ITGB1: variants seen among roughly 807,000 people sequenced by gnomAD.
ITGB1 encodes integrin subunit beta 1, also known as integrin beta-1.
ITGB1 carries 24 observed loss-of-function variants against 86.5 expected under a neutral mutation model. The observed-to-expected ratio is 0.28, with a 90% confidence interval of 0.20 to 0.39. The LOEUF is 0.39. Ranked by LOEUF, ITGB1 falls within the 10% of genes least tolerant of loss-of-function variation. The pLI is 1.00. For missense variants in ITGB1, 556 were observed against 946.9 expected (o/e 0.59, Z 5.42); for synonymous variants, 323 against 316.8 (o/e 1.02, Z -0.21).
intron 11 of ITGB1, among the ~76,000 whole-genome samples, chr10:32,913,896 A>G (rs968986155): frequency 6.6e-6 from 1 of 152,206 alleles, no homozygotes; most frequent in Non-Finnish European, 1.5e-5. Context: ...GAAGGAAAAA[A>G]TGTTAAGGGC....
At chr10:32,935,685 C>T (rs927375655) in intron 1 of ITGB1, 127 bp from the exon 2 acceptor site, 9 of 671,520 alleles carry the variant, frequency 1.3e-5, no homozygotes, top group Non-Finnish European at 2.3e-5. Context: ...AACCATTTCA[C>T]TCCAGCCCCT....
intron 1 of ITGB1, among the ~76,000 whole-genome samples, chr10:32,947,016 G>GT (rs2095032883): frequency 6.6e-6 from 1 of 151,888 alleles, no homozygotes; most frequent in Non-Finnish European, 1.5e-5. Context: ...GCTAATTTTT[G>GT]TATTTTAGTA....
intron 7 of ITGB1, 143 bp downstream of exon 7, chr10:32,923,442 C>T: frequency 1.8e-6 from 1 of 566,066 alleles, no homozygotes; most frequent in South Asian, 2.9e-5. Flanking sequence ...AGCTTTCCTG[C>T]ACTTTCAATC....
chr10:32,927,743 G>A (rs748964006), intron 5 of ITGB1, among the ~76,000 whole-genome samples: 9 of 151,244 alleles, frequency 6.0e-5, no homozygotes, highest in Non-Finnish European at 8.8e-5. Context: ...GCAGTGAGCC[G>A]AGATCACACC....
chr10:32,907,998 T>G (rs1327884285), intron 15 of ITGB1, among the ~76,000 whole-genome samples: 2 of 152,158 alleles, frequency 1.3e-5, no homozygotes, highest in South Asian at 2.1e-4. Flanking sequence ...TGAAGGTTTT[T>G]TTTGTTTGTT....
At chr10:32,913,165 C>T (rs1321335296) in intron 11 of ITGB1, among the ~76,000 whole-genome samples, 3 of 152,180 alleles carry the variant, frequency 2.0e-5, no homozygotes, top group African/African-American at 7.2e-5. Flanking sequence ...ATCTGTACAT[C>T]ACCATCATGG....
intron 1 of ITGB1, chr10:32,945,015 G>A (rs2095027885): frequency 2.6e-5 from 18 of 682,052 alleles, no homozygotes; most frequent in Middle Eastern, 9.2e-4. Context: ...GGAGAAATGT[G>A]TGTAACTAGT....
chr10:32,958,154 G>A lies in ITGB1; in HGVS notation c.-10C>T, dbSNP rs1171811538. 6.6e-6 allele frequency: 1 copy of A among 150,848 alleles called. No homozygotes were observed. The highest frequency in any genetic ancestry group is 1.5e-5 in the Non-Finnish European group (1 of 67,624). 9.3% of individuals were successfully genotyped at this position (150,848 alleles called of 1,614,324 possible). A position where few individuals can be genotyped will look rare whatever the true frequency, so the allele number is the denominator to read the frequency against. On this transcript the variant is annotated 5_prime_UTR_variant, in exon 1 of 16. Coordinates refer to ENST00000302278, the MANE Select transcript of ITGB1 (RefSeq NM_002211.4). Reference sequence around the variant, plus strand: ...GCCCGCCGGCCCCTACCTTTTCCGCGCGGCGTCCGGGGCCCGGCGCGGTGG... The same window carrying A: ...GCCCGCCGGCCCCTACCTTTTCCGCACGGCGTCCGGGGCCCGGCGCGGTGG...
intron 1 of ITGB1, among the ~76,000 whole-genome samples, chr10:32,957,202 G>A (rs1300989556): frequency 6.6e-6 from 1 of 152,186 alleles, no homozygotes; most frequent in Admixed American, 6.5e-5. Flanking sequence ...ATGAGGAAAC[G>A]GAAGCTTAGA....
chr10:32,940,446 G>A (rs936078447), intron 1 of ITGB1, among the ~76,000 whole-genome samples: 9 of 152,096 alleles, frequency 5.9e-5, no homozygotes, highest in East Asian at 1.9e-4. Context: ...GATGCTATGC[G>A]TTTATAAGAC....
At chr10:32,929,195 C>T (rs1424454276) in intron 4 of ITGB1, among the ~76,000 whole-genome samples, 4 of 125,934 alleles carry the variant, frequency 3.2e-5, no homozygotes, top group African/African-American at 1.0e-4. Flanking sequence ...TTACTTGGTA[C>T]AGAAGAGTTA....
chr10:32,943,794 A>G (rs1490337559), intron 1 of ITGB1, among the ~76,000 whole-genome samples: 3 of 152,220 alleles, frequency 2.0e-5, no homozygotes, highest in Non-Finnish European at 4.4e-5. Flanking sequence ...AGAGAGAGAC[A>G]CTTTGAAGAC....
At chr10:32,944,596 G>T in intron 1 of ITGB1, 1 of 549,040 alleles carries the variant, frequency 1.8e-6, no homozygotes, top group East Asian at 4.4e-5. Flanking sequence ...ATGATGTCAT[G>T]ACTCAGCTGG....
rs2094966650 is a variant in ITGB1, at chr10:32,926,851, AG to A, written c.548-743del. On this transcript the variant is annotated intron_variant, in intron 5 of 15. Transcript: ENST00000302278. The stretch of plus-strand genomic sequence containing the variant: ...AAGGTATCATCTATGAACCCAGAAG[AG>A]GGACCTCACCAGATGCTCAATCTGC... Among the ~76,000 whole-genome samples the A allele has an allele frequency of 2.0e-5, 3 of 152,198 alleles. No homozygotes were observed. In the South Asian group the frequency reaches 6.2e-4, roughly 32 times the overall value.
At chr10:32,937,818 T>C (rs141995304) in intron 1 of ITGB1, among the ~76,000 whole-genome samples, 1 of 152,352 alleles carries the variant, frequency 6.6e-6, no homozygotes, top group African/African-American at 2.4e-5. Context: ...AACTGTGCAA[T>C]TATTTTTCTT....
chr10:32,937,519 G>A lies in ITGB1; in HGVS notation c.1-1961C>T, dbSNP rs1372206514. Among the ~76,000 whole-genome samples, 3 of 130,508 alleles carry A rather than the reference G, an allele frequency of 2.3e-5. No homozygotes were observed. In the East Asian group the frequency reaches 7.6e-4, roughly 33 times the overall value. 85.6% of individuals were successfully genotyped at this position (130,508 alleles called of 152,430 possible). A position where few individuals can be genotyped will look rare whatever the true frequency, so the allele number is the denominator to read the frequency against. On this transcript the variant is annotated intron_variant, in intron 1 of 15. Coordinates refer to ENST00000302278, the MANE Select transcript of ITGB1 (RefSeq NM_002211.4). ...TGCAGTGAGCCAAGATCGCGCCACTGTACTCTAGCCTGGCGAAAGAGCGAG... is the reference window on the plus strand; with the variant it reads ...TGCAGTGAGCCAAGATCGCGCCACTATACTCTAGCCTGGCGAAAGAGCGAG...
chr10:32,908,387 A>G lies in ITGB1; in HGVS notation c.2312T>C (p.Met771Thr). The change falls in exon 15 of 16, where the codon ATG (methionine) becomes ACG (threonine). Residue 771 changes from methionine (M) to threonine (T), a missense_variant. By Grantham distance (81) the Met-to-Thr change is moderately conservative. Around this residue, in one of 4 missense-constraint regions of ITGB1, gnomAD observed 18 missense variants for 75.2 expected, o/e 0.24. Transcript: ENST00000302278. ...REFAKFEKEK[M>T]NAKWDTGENP... is the part of the protein sequence containing the mutation. ...ACTTACCGTGTCCCATTTGGCATTC[A>G]TTTTCTCCTTTTCAAATTTAGCAAA... The G allele has an allele frequency of 1.2e-6, 2 of 1,613,982 alleles. No individual in the cohort carries two copies. Among genetic ancestry groups the G allele is most frequent in the Non-Finnish European group, 1.7e-6 (2 of 1,179,934 alleles).
At chr10:32,954,741 GTA>G (rs2095049115) in intron 1 of ITGB1, among the ~76,000 whole-genome samples, 1 of 152,174 alleles carries the variant, frequency 6.6e-6, no homozygotes, top group South Asian at 2.1e-4. Flanking sequence ...GTGCTTGTGT[GTA>G]TGTGTGTATA....
At position 32,935,486 on chromosome 10, in the gene ITGB1, T is replaced by C; in HGVS notation, c.67+6A>G. 1 of 1,609,004 alleles carries C rather than the reference T, an allele frequency of 6.2e-7. No homozygotes were observed. The highest frequency in any genetic ancestry group is 8.5e-7 in the Non-Finnish European group (1 of 1,175,542). ...AAAGACAACTAAGAAAATTTTTTGT[T>C]TTTACCTGTTTGAGCAAACACACAG... On this transcript the variant is annotated splice_donor_region_variant and intron_variant, in intron 2 of 15. Coordinates refer to ENST00000302278, the MANE Select transcript of ITGB1 (RefSeq NM_002211.4).
Sources: allele counts gnomAD v4.1 joint callset (sites outside exome capture counted in the v4.1 genomes callset), GRCh38; gene constraint gnomAD v4.1.1; regional missense constraint gnomAD v4.1.1; transcripts MANE v1.5; gene names NCBI Gene and HGNC (gene_info 2026-07-23, HGNC 2026-07-21).